The following NDFIP1 variants were observed in gnomAD, a reference collection of about 807,000 sequenced individuals.
NDFIP1 encodes NEDD4 family-interacting protein 1.
NDFIP1 carries 7 observed loss-of-function variants against 28.8 expected under a neutral mutation model. The observed-to-expected ratio is 0.24, with a 90% confidence interval of 0.14 to 0.46. NDFIP1 has a LOEUF of 0.46. NDFIP1 is among the 20% of genes least tolerant of loss of function. The pLI is 0.99. For synonymous variants in NDFIP1, 92 were observed against 101.0 expected (o/e 0.91, Z 0.53); for missense variants, 194 against 269.1 (o/e 0.72, Z 1.95).
chr5:142,144,207 G>A (rs1757365595), intron 6 of NDFIP1: 1 of 160,606 alleles, frequency 6.2e-6, no homozygotes, highest in Non-Finnish European at 1.4e-5. Context: ...TGTTGTTGTT[G>A]TTGTTGTTGT....
At chr5:142,111,250 T>TAAA (rs902498325) in intron 1 of NDFIP1, among the ~76,000 whole-genome samples, 20 of 151,096 alleles carry the variant, frequency 1.3e-4, no homozygotes, top group Non-Finnish European at 1.9e-4. Context: ...GCATGCTAGA[T>TAAA]AAATAATGAA....
chr5:142,145,173 G>A (rs1449186666), intron 7 of NDFIP1, among the ~76,000 whole-genome samples: 2 of 152,174 alleles, frequency 1.3e-5, no homozygotes, highest in South Asian at 2.1e-4. Flanking sequence ...TGTCATTGAG[G>A]CTTTCCCCAT....
chr5:142,108,940 C>A lies in NDFIP1; in HGVS notation c.-35C>A. The A allele has an allele frequency of 7.0e-7, 1 of 1,421,298 alleles. No homozygotes were observed. The highest frequency in any genetic ancestry group is 9.2e-7 in the Non-Finnish European group (1 of 1,089,074). The allele number at this position is 1,421,298 out of a possible 1,614,324, so 88.0% of individuals were successfully genotyped here. ...CGGCCGCGCCCCTTCAGCTAGCTCG[C>A]TCGCTCGCTCTGCTTCCCTGCTGCC... is the stretch of plus-strand genomic sequence containing the variant. On this transcript the variant is annotated 5_prime_UTR_variant, in exon 1 of 8. Coordinates refer to ENST00000253814, the MANE Select transcript of NDFIP1 (RefSeq NM_030571.4).
chr5:142,118,626 GA>G (rs1189820319), intron 1 of NDFIP1, among the ~76,000 whole-genome samples: 1 of 152,160 alleles, frequency 6.6e-6, no homozygotes, highest in Non-Finnish European at 1.5e-5. Context: ...TTACTCTTGG[GA>G]AGGAAGTCAC....
chr5:142,131,207 G>A (rs1025251084), intron 1 of NDFIP1, among the ~76,000 whole-genome samples: 3 of 151,920 alleles, frequency 2.0e-5, no homozygotes, highest in Admixed American at 2.0e-4. Context: ...AATCTCAAGC[G>A]ATCCCACCCA....
chr5:142,142,637 T>G (rs1256411907), intron 6 of NDFIP1, among the ~76,000 whole-genome samples: 1 of 151,926 alleles, frequency 6.6e-6, no homozygotes, highest in Non-Finnish European at 1.5e-5. Context: ...AAGCAAAAAA[T>G]AAGAGTTTGG....
intron 1 of NDFIP1, among the ~76,000 whole-genome samples, chr5:142,124,829 ATTTT>A (rs61643712): frequency 6.9e-6 from 1 of 145,820 alleles, no homozygotes; most frequent in Admixed American, 6.8e-5. Context: ...CAACTTGAAG[ATTTT>A]TTTTTTTTTG....
intron 7 of NDFIP1, among the ~76,000 whole-genome samples, chr5:142,147,336 C>G (rs1757399094): frequency 6.6e-6 from 1 of 152,122 alleles, no homozygotes; most frequent in Admixed American, 6.6e-5. Flanking sequence ...GATGTAGAAT[C>G]CCTTCTTTCT....
chr5:142,134,110 T>C (rs1377460336), intron 3 of NDFIP1: 1 of 152,216 alleles, frequency 6.6e-6, no homozygotes, highest in Non-Finnish European at 1.5e-5. Context: ...ATAGAATCTT[T>C]GGAATGTTAG....
rs189487513 is a variant in NDFIP1 at position 142,117,128 on chromosome 5, A to G, written c.63+8091A>G. On this transcript the variant is annotated intron_variant, in intron 1 of 7. Transcript: ENST00000253814. The stretch of plus-strand genomic sequence containing the variant: ...TCAGCAATATTAATTAGTACTTACC[A>G]TAATCAAAGGCTTGAATACAATTTG... 8.5e-5 allele frequency among the ~76,000 whole-genome samples: 13 copies of G among 152,340 alleles called. No homozygotes were observed. In the South Asian group the frequency reaches 1.4e-3, roughly 17 times the overall value.
chr5:142,139,148 A>T (rs1256071841), intron 5 of NDFIP1, among the ~76,000 whole-genome samples: 1 of 151,626 alleles, frequency 6.6e-6, no homozygotes, highest in Non-Finnish European at 1.5e-5. Flanking sequence ...TGAACCCAGG[A>T]GGTGGAGCTT....
At chr5:142,146,604 C>CT (rs989151538) in intron 7 of NDFIP1, among the ~76,000 whole-genome samples, 1 of 152,114 alleles carries the variant, frequency 6.6e-6, no homozygotes, top group African/African-American at 2.4e-5. Flanking sequence ...GGACAGATTT[C>CT]TTTCTCTTTT....
At chr5:142,141,923 C>G (rs570056975) in intron 6 of NDFIP1, among the ~76,000 whole-genome samples, 1 of 152,096 alleles carries the variant, frequency 6.6e-6, no homozygotes, top group East Asian at 1.9e-4. Flanking sequence ...ACCTTGAGGC[C>G]AGGATTTTAA....
chr5:142,125,373 T>C (rs1757160508), intron 1 of NDFIP1, among the ~76,000 whole-genome samples: 1 of 152,188 alleles, frequency 6.6e-6, no homozygotes, highest in Non-Finnish European at 1.5e-5. Context: ...TCTGTGTTGC[T>C]GTTTTTGTTT....
rs1757460182 is a variant in NDFIP1 at position 142,152,710 on chromosome 5, C to T, written c.*982C>T. 6.4e-6 allele frequency: 1 copy of T among 156,326 alleles called. No homozygotes were observed. Among genetic ancestry groups the T allele is most frequent in the Non-Finnish European group, 1.4e-5 (1 of 70,540 alleles). 9.7% of individuals were successfully genotyped at this position (156,326 alleles called of 1,614,324 possible). ...TGTGCTTTCTGCCCAAGTGGTAATT[C>T]ATCTTGGTTTGCTATGTTAAAACTG... is the stretch of plus-strand genomic sequence containing the variant. On this transcript the variant is annotated 3_prime_UTR_variant, in exon 8 of 8. Coordinates refer to ENST00000253814, the MANE Select transcript of NDFIP1 (RefSeq NM_030571.4).
intron 1 of NDFIP1, among the ~76,000 whole-genome samples, chr5:142,130,883 C>T (rs6580228): frequency 0.67 from 102,254 of 152,076 alleles, 34,700 homozygotes; most frequent in African/African-American, 0.77. Context: ...TTATATGATG[C>T]CTATTGTTTG....
At chr5:142,124,047 T>C (rs1757146353) in intron 1 of NDFIP1, among the ~76,000 whole-genome samples, 1 of 152,242 alleles carries the variant, frequency 6.6e-6, no homozygotes, top group Non-Finnish European at 1.5e-5. Flanking sequence ...TTCCGTAGTC[T>C]TTGTAAGATC....
intron 1 of NDFIP1, among the ~76,000 whole-genome samples, chr5:142,109,990 A>T (rs1756996626): frequency 6.6e-6 from 1 of 152,206 alleles, no homozygotes; most frequent in Admixed American, 6.5e-5. Context: ...GTGCATACAG[A>T]TGTCAATCCT....
intron 3 of NDFIP1, among the ~76,000 whole-genome samples, chr5:142,134,543 C>T (rs1757255811): frequency 6.6e-6 from 1 of 152,146 alleles, no homozygotes; most frequent in East Asian, 1.9e-4. Context: ...CTCTAGTTCC[C>T]ACTCCCCAGG....
Sources: gnomAD v4.1 joint callset for allele counts (sites outside exome capture counted in the v4.1 genomes callset) on GRCh38, gnomAD v4.1.1 for gene constraint, MANE v1.5 for transcripts, NCBI Gene and HGNC (gene_info 2026-07-23, HGNC 2026-07-21) for gene names.